The following PLGRKT variants were observed in gnomAD, a reference collection of about 807,000 sequenced individuals.
PLGRKT encodes plasminogen receptor with a C-terminal lysine.
Under a neutral mutation model 18.5 loss-of-function variants are expected in PLGRKT, and 22 were observed. The observed-to-expected ratio is 1.19, with a 90% CI of 0.85 to 1.70. The LOEUF (loss-of-function observed/expected upper bound fraction) is 1.70. Among genes scored for constraint, PLGRKT ranks in the 40% most tolerant of loss-of-function variants. The probability of loss-of-function intolerance (pLI) is 0.00; values close to 1 mark genes in which losing one functional copy is unlikely to be tolerated. For missense variants in PLGRKT, 235 were observed against 174.4 expected (o/e 1.35, Z -1.96); for synonymous variants, 72 against 52.8 (o/e 1.36, Z -1.58).
At chr9:5,435,002 TA>T (rs1203093170) in intron 2 of PLGRKT, among the ~76,000 whole-genome samples, 1 of 152,070 alleles carries the variant, frequency 6.6e-6, no homozygotes, top group Admixed American at 6.5e-5. Flanking sequence ...GGGATGCTGT[TA>T]ATCTATAACC....
At chr9:5,424,706 G>A (rs1818661914) in intron 3 of PLGRKT, among the ~76,000 whole-genome samples, 1 of 124,116 alleles carries the variant, frequency 8.1e-6, no homozygotes, top group Non-Finnish European at 1.6e-5. Context: ...ACAGGGGGGG[G>A]AGAGAGGGAG....
At position 5,436,596 on chromosome 9, in the gene PLGRKT, C is replaced by G. The variant is rs1818964149; in HGVS notation, c.-34G>C. On this transcript the variant is annotated 5_prime_UTR_variant, in exon 2 of 6. Transcript: ENST00000223864. ...CTTTCTGGGCCTTGCTCTCCTGGGT[C>G]TGGACTTGTAGTCTGAATGTGTTAG... 1 of 152,222 alleles carries G rather than the reference C, an allele frequency of 6.6e-6. No homozygotes were observed. The highest frequency in any genetic ancestry group is 1.5e-5 in the Non-Finnish European group (1 of 68,072). 9.4% of individuals were successfully genotyped at this position (152,222 alleles called of 1,614,324 possible). A position where few individuals can be genotyped will look rare whatever the true frequency, so the allele number is the denominator to read the frequency against.
intron 2 of PLGRKT, among the ~76,000 whole-genome samples, chr9:5,433,574 C>T (rs1191484420): frequency 1.4e-5 from 2 of 144,354 alleles, no homozygotes; most frequent in Non-Finnish European, 3.0e-5. Flanking sequence ...GCCCGGCTGC[C>T]CCGTCTGGGA....
rs971983270 is a variant in PLGRKT, at chr9:5,402,352, C to T, written c.81+29545G>A. On this transcript the variant is annotated intron_variant, in intron 3 of 5. Transcript: ENST00000223864. ...CCAGGGGCTGACAATAGCAGGAAAC[C>T]ATGAACTCTTTTAGGCTAGAAGGGG... Among the ~76,000 whole-genome samples, 93 of 151,960 alleles carry T rather than the reference C, an allele frequency of 6.1e-4. 2 individuals are homozygous for T. Among genetic ancestry groups the T allele is most frequent in the African/African-American group, 2.2e-3 (90 of 41,276 alleles).
chr9:5,386,162 G>A (rs920799806), intron 3 of PLGRKT, among the ~76,000 whole-genome samples: 1 of 151,870 alleles, frequency 6.6e-6, no homozygotes, highest in Non-Finnish European at 1.5e-5. Flanking sequence ...GGAGTCATGT[G>A]TCTTCCACCA....
chr9:5,426,972 A>G (rs1818714430), intron 3 of PLGRKT, among the ~76,000 whole-genome samples: 1 of 152,216 alleles, frequency 6.6e-6, no homozygotes, highest in Non-Finnish European at 1.5e-5. Flanking sequence ...GTCTTCTGCC[A>G]GCATCCATGA....
chr9:5,358,381 A>C, intron 5 of PLGRKT, 21 bp from the exon 6 acceptor site: 1 of 1,611,034 alleles, frequency 6.2e-7, no homozygotes, highest in Non-Finnish European at 8.5e-7. Flanking sequence ...GTACAGAAAT[A>C]CACAAGGTGA....
At chr9:5,425,402 G>A (rs1428755472) in intron 3 of PLGRKT, among the ~76,000 whole-genome samples, 1 of 152,088 alleles carries the variant, frequency 6.6e-6, no homozygotes, top group Non-Finnish European at 1.5e-5. Context: ...AAAGTCGTAA[G>A]TTAAAAAAAG....
chr9:5,390,116 C>T (rs1020873418), intron 3 of PLGRKT, among the ~76,000 whole-genome samples: 2 of 151,684 alleles, frequency 1.3e-5, no homozygotes, highest in Admixed American at 6.6e-5. Context: ...TACCAACCCT[C>T]GTCTGCTTCA....
chr9:5,416,374 T>C (rs1465132092), intron 3 of PLGRKT, among the ~76,000 whole-genome samples: 1 of 152,142 alleles, frequency 6.6e-6, no homozygotes. Context: ...TACCTGAAAT[T>C]CTGTTTGAAA....
At chr9:5,408,232 G>C (rs978999007) in intron 3 of PLGRKT, among the ~76,000 whole-genome samples, 8 of 152,222 alleles carry the variant, frequency 5.3e-5, no homozygotes, top group African/African-American at 1.7e-4. Flanking sequence ...CGGAAAGTTG[G>C]ATCTTCCTAG....
intron 3 of PLGRKT, among the ~76,000 whole-genome samples, chr9:5,390,472 G>A (rs1247136623): frequency 1.3e-5 from 2 of 151,858 alleles, no homozygotes; most frequent in Admixed American, 1.3e-4. Context: ...TCCCGCCTTG[G>A]CTGTCCCCAC....
At chr9:5,427,284 T>C (rs1357933360) in intron 3 of PLGRKT, among the ~76,000 whole-genome samples, 1 of 152,172 alleles carries the variant, frequency 6.6e-6, no homozygotes, top group East Asian at 1.9e-4. Flanking sequence ...TCACAGTGGC[T>C]GGTGTGCAGG....
In PLGRKT at chr9:5,409,708, G is replaced by A. The variant is rs907082683; in HGVS notation, c.81+22189C>T. The stretch of plus-strand genomic sequence containing the variant: ...GAGCCCATCCCTCACACCAGTGTGC[G>A]CTGGATGTGGGACATGAAGTCCAAG... On this transcript the variant is annotated intron_variant, in intron 3 of 5. Coordinates refer to ENST00000223864, the MANE Select transcript of PLGRKT (RefSeq NM_018465.4). Among the ~76,000 whole-genome samples the A allele has an allele frequency of 1.3e-4, 20 of 152,292 alleles. No homozygotes were observed. The East Asian group carries it at 2.5e-3, about 19-fold the overall frequency.
chr9:5,432,598 G>A (rs937184181), intron 2 of PLGRKT, among the ~76,000 whole-genome samples: 7 of 148,564 alleles, frequency 4.7e-5, no homozygotes, highest in Non-Finnish European at 1.0e-4. Flanking sequence ...CTCTGGCTCC[G>A]GTGATTCTCC....
rs546233604 is a variant in PLGRKT, at chr9:5,359,788, T to C, written c.322+1290A>G. On this transcript the variant is annotated intron_variant, in intron 5 of 5. Transcript: ENST00000223864. ...GGGTCAAATTCCAGGGCAATAAAAA[T>C]CAGGATTCTGTGACAGCAGCAGTAT... Among the ~76,000 whole-genome samples, 977 of 152,308 alleles carry C rather than the reference T, an allele frequency of 6.4e-3. 13 individuals are homozygous for C. The highest frequency in any genetic ancestry group is 0.022 in the African/African-American group (926 of 41,564).
chr9:5,381,418 A>G (rs1190677926), intron 3 of PLGRKT, among the ~76,000 whole-genome samples: 1 of 152,248 alleles, frequency 6.6e-6, no homozygotes, highest in African/African-American at 2.4e-5. Flanking sequence ...ATTGCTTCAC[A>G]GGGTGCAAGC....
At chr9:5,425,718 A>G (rs1818684275) in intron 3 of PLGRKT, among the ~76,000 whole-genome samples, 1 of 152,308 alleles carries the variant, frequency 6.6e-6, no homozygotes, top group East Asian at 1.9e-4. Context: ...AGATGAATCA[A>G]ATGTGCAGCC....
At chr9:5,421,870 G>C (rs1263801627) in intron 3 of PLGRKT, among the ~76,000 whole-genome samples, 1 of 152,086 alleles carries the variant, frequency 6.6e-6, no homozygotes, top group Non-Finnish European at 1.5e-5. Context: ...GCCAAAGATG[G>C]GATAACTTGA....
Sources: gnomAD v4.1 joint callset for allele counts (sites outside exome capture counted in the v4.1 genomes callset) on GRCh38, gnomAD v4.1.1 for gene constraint, MANE v1.5 for transcripts, NCBI Gene and HGNC (gene_info 2026-07-23, HGNC 2026-07-21) for gene names.